The following SRPK2 variants were observed in gnomAD, a reference collection of about 807,000 sequenced individuals.
SRPK2 encodes SFRS protein kinase 2.
In SRPK2, 21 loss-of-function variants were observed where a neutral mutation model predicts 90.8. The observed-to-expected ratio is 0.23, with a 90% CI of 0.16 to 0.33. The LOEUF (loss-of-function observed/expected upper bound fraction) is 0.33, where lower values mean the gene tolerates loss of function less well. Among genes scored for constraint, SRPK2 ranks in the 10% least tolerant of loss-of-function variants. The pLI, the probability that SRPK2 is intolerant of heterozygous loss-of-function variation, is 1.00. For missense variants in SRPK2, 620 were observed against 869.0 expected (o/e 0.71, Z 3.60); for synonymous variants, 288 against 311.1 (o/e 0.93, Z 0.78).
upstream of SRPK2, chr7:105,388,957 C>A: frequency 2.6e-6 from 3 of 1,153,032 alleles, no homozygotes; most frequent in Non-Finnish European, 3.2e-6. Flanking sequence ...AGCAGGGACC[C>A]AGCAAGACCC....
At chr7:105,265,271 T>C (rs1804887812) in intron 2 of SRPK2, among the ~76,000 whole-genome samples, 2 of 152,150 alleles carry the variant, frequency 1.3e-5, no homozygotes, top group South Asian at 4.1e-4. Flanking sequence ...AATACAACAA[T>C]AATACAAATT....
At chr7:105,268,468 T>G (rs757853814) in intron 2 of SRPK2, among the ~76,000 whole-genome samples, 15 of 152,338 alleles carry the variant, frequency 9.8e-5, no homozygotes, top group Non-Finnish European at 5.9e-5. Context: ...GAAGAAAACC[T>G]CACAGCATTT....
intron 2 of SRPK2, among the ~76,000 whole-genome samples, chr7:105,237,713 T>C (rs1352147620): frequency 2.0e-5 from 3 of 152,178 alleles, no homozygotes; most frequent in Non-Finnish European, 4.4e-5. Flanking sequence ...CGAATGGGGA[T>C]AGGGTCTACA....
intron 2 of SRPK2, among the ~76,000 whole-genome samples, chr7:105,212,826 C>T (rs1421744772): frequency 6.6e-6 from 1 of 152,190 alleles, no homozygotes; most frequent in Non-Finnish European, 1.5e-5. Context: ...ATGCATTCCG[C>T]ATCCATGGAT....
At chr7:105,379,260 CAAA>C (rs972473101) in intron 2 of SRPK2, among the ~76,000 whole-genome samples, 5 of 151,664 alleles carry the variant, frequency 3.3e-5, no homozygotes, top group South Asian at 2.1e-4. Flanking sequence ...TAAATAATAA[CAAA>C]ATAAAAACTA....
chr7:105,300,831 A>T (rs1299408607), intron 2 of SRPK2, among the ~76,000 whole-genome samples: 3 of 152,238 alleles, frequency 2.0e-5, no homozygotes, highest in Non-Finnish European at 4.4e-5. Flanking sequence ...ATCTCACACC[A>T]GTTAGAATGG....
chr7:105,205,041 C>A (rs1402366598), intron 2 of SRPK2, among the ~76,000 whole-genome samples: 1 of 152,172 alleles, frequency 6.6e-6, no homozygotes, highest in Non-Finnish European at 1.5e-5. Context: ...AGGGTCTTAG[C>A]AATGCAAGCT....
chr7:105,143,187 T>C lies in SRPK2; in HGVS notation c.957A>G (p.Ser319=), dbSNP rs1338500701. ...CATCCTGGTCATTGGAAGGTGCAGC[T>C]GAGGTGATGTTTTCTTCTATTATTT... ...ERKIIEENIT[S]AAPSNDQDGE... is the part of the protein sequence containing the mutation. The change falls in exon 10 of 16, where the codon TCA becomes TCG. Residue 319 remains serine, a synonymous_variant. Transcript: ENST00000393651. The C allele has an allele frequency of 8.7e-6, 14 of 1,614,136 alleles. No individual in the cohort carries two copies. The highest frequency in any genetic ancestry group is 3.3e-4 in the Middle Eastern group (2 of 6,084).
chr7:105,167,524 T>C, intron 5 of SRPK2, 60 bp from the exon 6 acceptor site: 3 of 1,161,042 alleles, frequency 2.6e-6, no homozygotes, highest in Non-Finnish European at 3.9e-6. Flanking sequence ...TGTTTTCCCA[T>C]TATAACACCA....
chr7:105,388,615 T>C, intron 2 of SRPK2, 33 bp downstream of exon 2: 1 of 1,497,112 alleles, frequency 6.7e-7, no homozygotes, highest in Non-Finnish European at 8.9e-7. Flanking sequence ...GGGGCGGGGG[T>C]GGGGAACGGG....
intron 2 of SRPK2, among the ~76,000 whole-genome samples, chr7:105,299,379 C>A (rs1810248212): frequency 6.6e-6 from 1 of 152,190 alleles, no homozygotes; most frequent in African/African-American, 2.4e-5. Context: ...TTTCGGATAT[C>A]CTTTATCTTC....
intron 2 of SRPK2, among the ~76,000 whole-genome samples, chr7:105,221,792 T>C (rs1798130104): frequency 6.6e-6 from 1 of 152,242 alleles, no homozygotes; most frequent in Non-Finnish European, 1.5e-5. Context: ...GTGATTTTTC[T>C]GCTTGAAAAG....
chr7:105,364,039 T>TG (rs1296508318), intron 2 of SRPK2, among the ~76,000 whole-genome samples: 1 of 80,728 alleles, frequency 1.2e-5, no homozygotes, highest in Non-Finnish European at 2.5e-5. Flanking sequence ...TGTCGTGGGG[T>TG]GGGGGGCTGG....
At chr7:105,386,171 G>A (rs751952477) in intron 2 of SRPK2, among the ~76,000 whole-genome samples, 7 of 151,868 alleles carry the variant, frequency 4.6e-5, no homozygotes, top group Non-Finnish European at 8.8e-5. Context: ...AATATTAGCC[G>A]GGCGTGGTGG....
At chr7:105,146,460 C>G (rs1804642712) in intron 8 of SRPK2, 33 bp downstream of exon 8, 1 of 1,609,596 alleles carries the variant, frequency 6.2e-7, no homozygotes, top group African/African-American at 1.3e-5. Flanking sequence ...CCAATGCCCC[C>G]ACACTGAAAT....
intron 2 of SRPK2, among the ~76,000 whole-genome samples, chr7:105,251,576 C>CA (rs1802485678): frequency 1.3e-5 from 2 of 152,178 alleles, no homozygotes; most frequent in Admixed American, 1.3e-4. Context: ...CTTAATCCCA[C>CA]AAGGCTTCCT....
At chr7:105,389,423 C>T, upstream of SRPK2, 1 of 1,204,104 alleles carries the variant, frequency 8.3e-7, no homozygotes, top group African/African-American at 1.6e-5. Flanking sequence ...CGACCAAAAG[C>T]TGGGAAACCT....
At chr7:105,331,328 A>AAACAAAAC (rs1563248622) in intron 2 of SRPK2, among the ~76,000 whole-genome samples, 4 of 145,870 alleles carry the variant, frequency 2.7e-5, no homozygotes, top group African/African-American at 9.9e-5. Flanking sequence ...AAAAAAAAAA[A>AAACAAAAC]AAAAAAAAAC....
chr7:105,180,150 G>C (rs1792577034), intron 3 of SRPK2, among the ~76,000 whole-genome samples: 1 of 152,168 alleles, frequency 6.6e-6, no homozygotes, highest in Non-Finnish European at 1.5e-5. Context: ...AAAGCAGGAA[G>C]AATCACGTTA....
Sources: allele counts gnomAD v4.1 joint callset (sites outside exome capture counted in the v4.1 genomes callset), GRCh38; gene constraint gnomAD v4.1.1; transcripts MANE v1.5; gene names NCBI Gene and HGNC (gene_info 2026-07-23, HGNC 2026-07-21).